Variants in MST1R observed in about 807,000 individuals in gnomAD.
The protein encoded by MST1R is macrophage stimulating 1 receptor.
MST1R carries 99 observed loss-of-function variants against 117.8 expected under a neutral mutation model. The ratio of observed to expected loss-of-function variants is 0.84; its 90% confidence interval spans 0.71 to 0.99. The LOEUF (loss-of-function observed/expected upper bound fraction) is 0.99. MST1R is among the 50% of genes least tolerant of loss of function. MST1R has a pLI of 0.00. For missense variants in MST1R, 1,683 were observed against 1,840.2 expected, an observed-to-expected ratio of 0.91 and a Z score of 1.56; for synonymous variants, 734 against 765.3, an observed-to-expected ratio of 0.96 and a Z score of 0.68.
Position 49,887,390 on chromosome 3 carries a change from GCACATT to G in MST1R, c.4114_4119del (p.Asn1372_Val1373del), listed in dbSNP as rs1559463853. 1.9e-6 allele frequency: 3 copies of G among 1,614,238 alleles called. No homozygotes were observed. The highest frequency in any genetic ancestry group is 1.6e-4 in the Middle Eastern group (1 of 6,062). On this transcript the variant is annotated inframe_deletion, in exon 20 of 20. Coordinates refer to ENST00000296474, the MANE Select transcript of MST1R (RefSeq NM_002447.4). Reference sequence around the variant, plus strand: ...GGTGAGAACTGCGGCTGTTCTGGACGCACATTCATCTCATGCGAGGTGCTGGGGCCC... The same window carrying G: ...GGTGAGAACTGCGGCTGTTCTGGACGCATCTCATGCGAGGTGCTGGGGCCC...
chr3:49,889,798 C>T, intron 19 of MST1R, 126 bp downstream of exon 19: 1 of 1,172,014 alleles, frequency 8.5e-7, no homozygotes, highest in South Asian at 1.4e-5. Flanking sequence ...AAATTGAGGC[C>T]CAGCGAGAGT....
chr3:49,891,119 T>C, intron 17 of MST1R, 78 bp downstream of exon 17: 1 of 1,327,794 alleles, frequency 7.5e-7, no homozygotes, highest in East Asian at 2.3e-5. Flanking sequence ...GAGTGGGCCC[T>C]TCCCTGAGGC....
intron 14 of MST1R, among the ~76,000 whole-genome samples, chr3:49,894,828 A>G (rs1199129337): frequency 6.8e-6 from 1 of 146,356 alleles, no homozygotes; most frequent in Admixed American, 6.8e-5. Flanking sequence ...TTTTTTTTTG[A>G]GAAGGAGTCT....
In MST1R at chr3:49,898,670, G is replaced by C. The variant is rs141097970; in HGVS notation, c.1567C>G (p.Gln523Glu). The part of the protein sequence containing the change: ...SGDQVFQVPI[Q>E]GPGCRHFLTC... ...AGGAAGTGGCGGCAGCCAGGGCCTTGGATAGGTACCTGGAAAACCTGTGGG... is the reference window on the plus strand; with the variant it reads ...AGGAAGTGGCGGCAGCCAGGGCCTTCGATAGGTACCTGGAAAACCTGTGGG... The change falls in exon 4 of 20, where the codon CAA becomes GAA. Residue 523 changes from glutamine to glutamate, a missense_variant. Coordinates refer to ENST00000296474, the MANE Select transcript of MST1R (RefSeq NM_002447.4). 58 of 1,614,076 alleles carry C rather than the reference G, an allele frequency of 3.6e-5. No individual in the cohort carries two copies. In the Middle Eastern group the frequency reaches 6.6e-4, roughly 18 times the overall value.
Position 49,898,163 on chromosome 3 carries a change from A to C in MST1R, c.1768T>G (p.Cys590Gly), listed in dbSNP as rs371213657. The C allele has an allele frequency of 3.7e-6, 6 of 1,613,998 alleles. No individual in the cohort carries two copies. Among genetic ancestry groups the C allele is most frequent in the East Asian group, 2.2e-5 (1 of 44,880 alleles). ...PLRGSTRLTL[C>G]GSNFYLHPSG... Reference sequence around the variant, plus strand: ...GGGTGAAGGTAGAAGTTGGAGCCACACAGGGTCAGCCTTGTACTGCCCCTT... The same window carrying C: ...GGGTGAAGGTAGAAGTTGGAGCCACCCAGGGTCAGCCTTGTACTGCCCCTT... The change falls in exon 5 of 20, where the codon TGT becomes GGT. Residue 590 changes from cysteine (C) to glycine (G), a missense_variant. By Grantham distance (159) the Cys-to-Gly change is radical. Coordinates refer to ENST00000296474, the MANE Select transcript of MST1R (RefSeq NM_002447.4).
chr3:49,897,295 T>C lies in MST1R; in HGVS notation c.2168A>G (p.Glu723Gly). 6.2e-7 allele frequency: 1 copy of C among 1,610,436 alleles called. No individual in the cohort carries two copies. Among genetic ancestry groups the C allele is most frequent in the Non-Finnish European group, 8.5e-7 (1 of 1,178,164 alleles). The change falls in exon 7 of 20, where the codon GAG becomes GGG. Residue 723 changes from glutamate to glycine, a missense_variant. By Grantham distance (98) the Glu-to-Gly change is moderately conservative. Coordinates refer to ENST00000296474, the MANE Select transcript of MST1R (RefSeq NM_002447.4). ...TSRAVLVNGT[E>G]CLLARVSEGQ... is the part of the protein sequence containing the mutation. ...TGGTACTTACCGTGCTAGCAGACAC[T>C]CAGTCCCATTGACCAGCACAGCCCG...
rs548016723 is a variant in MST1R at position 49,902,281 on chromosome 3, C to G, written c.1230+99G>C. ...AGAATGCTTCTTTCCGCCTGCCCCC[C>G]CACCGCGCCCCCAGATCCCCTCAGT... On this transcript the variant is annotated intron_variant, in intron 1 of 19. Transcript: ENST00000296474. 20 of 1,471,752 alleles carry G rather than the reference C, an allele frequency of 1.4e-5. No individual in the cohort carries two copies. In the African/African-American group the frequency reaches 1.4e-4, roughly 10 times the overall value. 91.2% of individuals were successfully genotyped at this position (1,471,752 alleles called of 1,614,324 possible).
rs1442424422 is a variant in MST1R, at chr3:49,896,102, A to C, written c.2655T>G (p.Ile885Met). The C allele has an allele frequency of 1.2e-6, 2 of 1,613,492 alleles. No homozygotes were observed. Among genetic ancestry groups the C allele is most frequent in the African/African-American group, 2.7e-5 (2 of 74,904 alleles). The change falls in exon 11 of 20, where the codon ATT becomes ATG. Residue 885 changes from isoleucine to methionine, a missense_variant. Physicochemically the swap from Ile to Met is conservative, Grantham distance 10. Coordinates refer to ENST00000296474, the MANE Select transcript of MST1R (RefSeq NM_002447.4). Reference protein sequence around the residue: ...PEEHAIKFEYIGLGAVADCVG... With the variant: ...PEEHAIKFEYMGLGAVADCVG... ...CACAGTCAGCCACAGCGCCCAGCCC[A>C]ATATACTGCAGAGAGGGTCATGAGG...
In MST1R at chr3:49,902,554, A is replaced by C; in HGVS notation, c.1056T>G (p.Thr352=). The change falls in exon 1 of 20, where the codon ACT becomes ACG. Residue 352 remains threonine (T), a synonymous_variant. Transcript: ENST00000296474. ...CCACGCCAGGACCACCATCCTTGCC[A>C]GTCACAAAGACCCCAAATAGTACTT... ...GQEVLFGVFV[T]GKDGGPGVGP... 6.2e-7 allele frequency: 1 copy of C among 1,613,966 alleles called. No homozygotes were observed.
In MST1R at chr3:49,891,526, C is replaced by G. The variant is rs140250708; in HGVS notation, c.3407G>C (p.Arg1136Pro). 3 of 1,613,862 alleles carry G rather than the reference C, an allele frequency of 1.9e-6. No individual in the cohort carries two copies. The African/African-American group carries it at 4.0e-5, about 22-fold the overall frequency. The part of the protein sequence containing the change: ...EAFLREGLLM[R>P]GLNHPNVLAL... Reference sequence around the variant, plus strand: ...CAGCACATTCGGGTGGTTCAGGCCACGCATGAGCAGCCCCTCTCGCAGGAA... The same window carrying G: ...CAGCACATTCGGGTGGTTCAGGCCAGGCATGAGCAGCCCCTCTCGCAGGAA... The change falls in exon 16 of 20, where the codon CGT becomes CCT. Residue 1136 changes from arginine to proline, a missense_variant. Arg to Pro is a moderately radical substitution (Grantham distance 103). Coordinates refer to ENST00000296474, the MANE Select transcript of MST1R (RefSeq NM_002447.4).
At position 49,902,718 on chromosome 3, in the gene MST1R, G is replaced by C; in HGVS notation, c.892C>G (p.Leu298Val). Residue 298 changes from leucine (L) to valine (V), a missense_variant, in exon 1 of 20, where the codon CTC becomes GTC. By Grantham distance (32) the Leu-to-Val change is conservative. Transcript: ENST00000296474. Reference sequence around the variant, plus strand: ...CGTTTTGGAGCAAATCTGCAGTCGAGGACCAGCTCCCGATAGTCACCCAAC... The same window carrying C: ...CGTTTTGGAGCAAATCTGCAGTCGACGACCAGCTCCCGATAGTCACCCAAC... ...PELGDYRELV[L>V]DCRFAPKRRR... The C allele has an allele frequency of 6.2e-7, 1 of 1,613,678 alleles. No homozygotes were observed. Among genetic ancestry groups the C allele is most frequent in the Non-Finnish European group, 8.5e-7 (1 of 1,180,028 alleles).
At chr3:49,898,771 G>C in intron 3 of MST1R, 83 bp from the exon 4 acceptor site, 1 of 1,604,836 alleles carries the variant, frequency 6.2e-7, no homozygotes, top group South Asian at 1.1e-5. Flanking sequence ...CAGTAGGCTA[G>C]GGTGGTAGGG....
intron 14 of MST1R, among the ~76,000 whole-genome samples, chr3:49,893,798 C>T (rs1288398222): frequency 7.4e-6 from 1 of 134,476 alleles, no homozygotes; most frequent in African/African-American, 2.8e-5. Context: ...ACTTGGGAGG[C>T]TGAGGCAGGA....
chr3:49,896,366 A>C lies in MST1R; in HGVS notation c.2478T>G (p.Leu826=). Residue 826 remains leucine, a synonymous_variant, in exon 10 of 20, where the codon CTT becomes CTG. Transcript: ENST00000296474. Reference sequence around the variant, plus strand: ...GGGGGTCTCGGACCACATATTCAGGAAGGCGGCACAGCTGCTGCTCTGGAA... The same window carrying C: ...GGGGGTCTCGGACCACATATTCAGGCAGGCGGCACAGCTGCTGCTCTGGAA... The part of the protein sequence containing the change: ...RQLPEQQLCR[L]PEYVVRDPQG... 8 of 1,613,886 alleles carry C rather than the reference A, an allele frequency of 5.0e-6. No homozygotes were observed. The highest frequency in any genetic ancestry group is 5.9e-6 in the Non-Finnish European group (7 of 1,179,990).
At chr3:49,893,074 T>C (rs991316995) in intron 14 of MST1R, among the ~76,000 whole-genome samples, 2 of 148,128 alleles carry the variant, frequency 1.4e-5, no homozygotes, top group Non-Finnish European at 3.0e-5. Flanking sequence ...AGGTCGGGAG[T>C]TTGAGACCAG....
At chr3:49,897,954 C>T (rs755683506) in intron 5 of MST1R, 97 bp downstream of exon 5, 2 of 1,549,472 alleles carry the variant, frequency 1.3e-6, no homozygotes, top group Admixed American at 1.7e-5. Context: ...TTCCCCCATC[C>T]CCCCTTGCCT....
rs1446251786 is a variant in MST1R at position 49,896,584 on chromosome 3, A to G, written c.2395T>C (p.Leu799=). 3.1e-6 allele frequency: 5 copies of G among 1,614,066 alleles called. No homozygotes were observed. Among genetic ancestry groups the G allele is most frequent in the Non-Finnish European group, 4.2e-6 (5 of 1,180,034 alleles). ...AGCCCGTCATGGAATGACAGCACTA[A>G]GTGCCATGCTGAAGTTAGATGCTGG... The part of the protein sequence containing the change: ...CGQHLTSAWH[L]VLSFHDGLRA... The change falls in exon 9 of 20, where the codon TTA becomes CTA. Residue 799 remains leucine, a synonymous_variant. Coordinates refer to ENST00000296474, the MANE Select transcript of MST1R (RefSeq NM_002447.4).
chr3:49,895,681 A>G, intron 12 of MST1R, 34 bp downstream of exon 12: 1 of 1,612,474 alleles, frequency 6.2e-7, no homozygotes. Flanking sequence ...GGTTGGGGGT[A>G]GGGGCTGATT....
At chr3:49,889,466 C>A (rs574570707) in intron 19 of MST1R, among the ~76,000 whole-genome samples, 15 of 152,308 alleles carry the variant, frequency 9.8e-5, no homozygotes, top group African/African-American at 3.6e-4. Flanking sequence ...AGCACCGAAC[C>A]CACCCCGTAG....
Sources: gnomAD v4.1 joint callset for allele counts (sites outside exome capture counted in the v4.1 genomes callset) on GRCh38, gnomAD v4.1.1 for gene constraint, MANE v1.5 for transcripts, NCBI Gene and HGNC (gene_info 2026-07-23, HGNC 2026-07-21) for gene names.